GIPC2: variants seen among roughly 807,000 people sequenced by gnomAD.
The protein encoded by GIPC2 is GIPC PDZ domain containing family member 2.
Under a neutral mutation model 30.6 loss-of-function variants are expected in GIPC2, and 30 were observed. The observed-to-expected ratio is 0.98, with a 90% CI of 0.73 to 1.33. The LOEUF (loss-of-function observed/expected upper bound fraction) is 1.33. Among genes scored for constraint, GIPC2 ranks in the 40% most tolerant of loss-of-function variants. The probability of loss-of-function intolerance (pLI) is 0.00; values close to 1 mark genes in which losing one functional copy is unlikely to be tolerated. For synonymous variants in GIPC2, 167 were observed against 150.0 expected (o/e 1.11, Z -0.83); for missense variants, 414 against 390.3 (o/e 1.06, Z -0.51).
chr1:78,065,988 G>T (rs1442261478), intron 1 of GIPC2, among the ~76,000 whole-genome samples: 2 of 152,206 alleles, frequency 1.3e-5, no homozygotes, highest in African/African-American at 4.8e-5. Flanking sequence ...AATGGGCAAA[G>T]ATTTCATGAT....
At chr1:78,070,067 C>T (rs1661588780) in intron 1 of GIPC2, among the ~76,000 whole-genome samples, 2 of 152,176 alleles carry the variant, frequency 1.3e-5, no homozygotes, top group Non-Finnish European at 1.5e-5. Context: ...GGTTAGAATT[C>T]AGCCTCGTGG....
At chr1:78,062,854 C>T (rs182284879) in intron 1 of GIPC2, among the ~76,000 whole-genome samples, 55 of 152,104 alleles carry the variant, frequency 3.6e-4, no homozygotes, top group African/African-American at 7.2e-4. Flanking sequence ...GCTATCTTAA[C>T]GGAAATGGTA....
intron 3 of GIPC2, among the ~76,000 whole-genome samples, chr1:78,112,269 C>T (rs1318459168): frequency 6.6e-6 from 1 of 152,218 alleles, no homozygotes; most frequent in African/African-American, 2.4e-5. Context: ...CATTTTCACA[C>T]AGGCCCTCAG....
At chr1:78,128,300 G>A (rs1288056357) in intron 5 of GIPC2, among the ~76,000 whole-genome samples, 1 of 152,094 alleles carries the variant, frequency 6.6e-6, no homozygotes, top group African/African-American at 2.4e-5. Flanking sequence ...CCAAAGTGTT[G>A]GAATTACTGG....
At chr1:78,052,660 G>C (rs756314667) in intron 1 of GIPC2, among the ~76,000 whole-genome samples, 1 of 152,082 alleles carries the variant, frequency 6.6e-6, no homozygotes, top group Non-Finnish European at 1.5e-5. Context: ...ACGATGTTTT[G>C]ATATAAATAG....
chr1:78,057,938 T>C (rs1661325709), intron 1 of GIPC2, among the ~76,000 whole-genome samples: 1 of 152,192 alleles, frequency 6.6e-6, no homozygotes, highest in Non-Finnish European at 1.5e-5. Flanking sequence ...AATTATAGGT[T>C]TTCTTTTTAT....
intron 4 of GIPC2, among the ~76,000 whole-genome samples, 174 bp from the exon 5 acceptor site, chr1:78,125,707 A>G (rs994531680): frequency 3.3e-5 from 5 of 152,120 alleles, no homozygotes; most frequent in African/African-American, 4.8e-5. Flanking sequence ...AGAAATAAGT[A>G]TTTACTGTAT....
rs1661076426 is a variant in GIPC2, at chr1:78,046,202, G to T, written c.108G>T (p.Arg36=). ...GCGGCGGGAGCCTCTCAGCGTCCCG[G>T]GCTCCCGCACGCAGGCTGGTCTTCC... is the stretch of plus-strand genomic sequence containing the variant. ...GAGGGSLSAS[R]APARRLVFHA... The change falls in exon 1 of 6, where the codon CGG becomes CGT. Residue 36 remains arginine, a synonymous_variant. Coordinates refer to ENST00000370759, the MANE Select transcript of GIPC2 (RefSeq NM_017655.6). 2.5e-6 allele frequency: 4 copies of T among 1,589,246 alleles called. No homozygotes were observed. Among genetic ancestry groups the T allele is most frequent in the Non-Finnish European group, 3.4e-6 (4 of 1,169,690 alleles).
intron 5 of GIPC2, among the ~76,000 whole-genome samples, chr1:78,128,998 C>T (rs1373999332): frequency 1.8e-5 from 2 of 111,434 alleles, no homozygotes; most frequent in Non-Finnish European, 4.4e-5. Flanking sequence ...GAGTGAGACC[C>T]TGTCTCTAAA....
At chr1:78,045,078 T>A, upstream of GIPC2, 1 of 983,640 alleles carries the variant, frequency 1.0e-6, no homozygotes. Flanking sequence ...AAGAATGAAA[T>A]GGGCAACGCA....
chr1:78,089,365 A>G (rs1228460894), intron 2 of GIPC2, among the ~76,000 whole-genome samples: 1 of 152,242 alleles, frequency 6.6e-6, no homozygotes, highest in Non-Finnish European at 1.5e-5. Flanking sequence ...GGGTATAAAT[A>G]TAATGACACG....
intron 1 of GIPC2, among the ~76,000 whole-genome samples, chr1:78,078,676 T>C (rs147455747): frequency 3.6e-4 from 55 of 152,306 alleles, no homozygotes; most frequent in Middle Eastern, 3.4e-3. Flanking sequence ...GGCTTGGTCA[T>C]TAGAAGTTCA....
intron 1 of GIPC2, chr1:78,069,016 C>T (rs1041367357): frequency 5.3e-6 from 5 of 951,328 alleles, no homozygotes; most frequent in Admixed American, 6.2e-5. Context: ...CCCCTAGCAC[C>T]GGGAGTCTTG....
At chr1:78,048,082 G>T (rs1296502841) in intron 1 of GIPC2, among the ~76,000 whole-genome samples, 1 of 152,146 alleles carries the variant, frequency 6.6e-6, no homozygotes, top group Non-Finnish European at 1.5e-5. Flanking sequence ...CTGGACTTAA[G>T]ATTTTTCCAC....
At chr1:78,128,879 C>T (rs1662836094) in intron 5 of GIPC2, among the ~76,000 whole-genome samples, 2 of 151,826 alleles carry the variant, frequency 1.3e-5, no homozygotes, top group African/African-American at 4.8e-5. Context: ...GTGGCATGCA[C>T]CTGAAGTCCT....
chr1:78,090,583 C>T (rs989692256), intron 2 of GIPC2, among the ~76,000 whole-genome samples: 2 of 152,132 alleles, frequency 1.3e-5, no homozygotes, highest in Non-Finnish European at 2.9e-5. Context: ...AAAAACCCAC[C>T]TGACTTTGTT....
At chr1:78,066,881 G>A (rs181870845) in intron 1 of GIPC2, among the ~76,000 whole-genome samples, 27 of 152,298 alleles carry the variant, frequency 1.8e-4, no homozygotes, top group Non-Finnish European at 3.5e-4. Context: ...GGGGCCTAGT[G>A]GAGGGTGGAG....
At chr1:78,107,280 A>G (rs557367342) in intron 3 of GIPC2, among the ~76,000 whole-genome samples, 2 of 151,958 alleles carry the variant, frequency 1.3e-5, no homozygotes, top group East Asian at 3.9e-4. Flanking sequence ...CAAGTAGCTG[A>G]GACCACAGGT....
intron 1 of GIPC2, among the ~76,000 whole-genome samples, chr1:78,076,933 TA>T (rs1381690763): frequency 6.6e-6 from 1 of 151,550 alleles, no homozygotes; most frequent in Non-Finnish European, 1.5e-5. Context: ...CATGCCTGGC[TA>T]TTTTTTTTTT....
Sources: gnomAD v4.1 joint callset for allele counts (sites outside exome capture counted in the v4.1 genomes callset) on GRCh38, gnomAD v4.1.1 for gene constraint, MANE v1.5 for transcripts, NCBI Gene and HGNC (gene_info 2026-07-23, HGNC 2026-07-21) for gene names.